Variants in GREM2 observed in about 807,000 individuals in gnomAD.
The protein encoded by GREM2 is gremlin-2.
A neutral mutation model predicts 14.2 loss-of-function variants in GREM2; 11 were observed. That is an observed-to-expected ratio of 0.78 (90% CI 0.49 to 1.28). GREM2 has a LOEUF of 1.28. Ranked by LOEUF, GREM2 falls within the 50% of genes most tolerant of loss-of-function variation. The pLI is 0.00. For synonymous variants in GREM2, 98 were observed against 97.6 expected (o/e 1.00, Z -0.02); for missense variants, 210 against 218.5 (o/e 0.96, Z 0.24).
intron 1 of GREM2, among the ~76,000 whole-genome samples, chr1:240,519,972 C>A (rs140321994): frequency 0.022 from 3,282 of 152,130 alleles, 117 homozygotes; most frequent in African/African-American, 0.076. Context: ...CCCAGCTACT[C>A]AGGAGGCTGA....
chr1:240,559,670 G>A (rs1392181223), intron 1 of GREM2, among the ~76,000 whole-genome samples: 2 of 152,080 alleles, frequency 1.3e-5, no homozygotes, highest in Non-Finnish European at 2.9e-5. Context: ...TTTACAAGCT[G>A]ACAAATTACT....
At chr1:240,531,294 G>A (rs1485340314) in intron 1 of GREM2, among the ~76,000 whole-genome samples, 2 of 152,020 alleles carry the variant, frequency 1.3e-5, no homozygotes, top group Non-Finnish European at 2.9e-5. Flanking sequence ...TTTCTAACCC[G>A]CTGGAGTACC....
chr1:240,552,946 G>A lies in GREM2; in HGVS notation c.-2+58938C>T, dbSNP rs16840364. ...CTGAAGGCTCTTAATCTCATTTTAA[G>A]CCTTTCATCCCCTTTCTTTTACATT... On this transcript the variant is annotated intron_variant, in intron 1 of 1. Transcript: ENST00000318160. Among the ~76,000 whole-genome samples the A allele has an allele frequency of 3.8e-3, 493 of 130,282 alleles. 4 individuals carry two copies. Among genetic ancestry groups the A allele is most frequent in the African/African-American group, 0.014 (471 of 33,490 alleles). The allele number at this position is 130,282 out of a possible 152,430, so 85.5% of individuals were successfully genotyped here. A position where few individuals can be genotyped will look rare whatever the true frequency, so the allele number is the denominator to read the frequency against.
chr1:240,594,714 A>G (rs978940813), intron 1 of GREM2, among the ~76,000 whole-genome samples: 1 of 151,808 alleles, frequency 6.6e-6, no homozygotes, highest in Non-Finnish European at 1.5e-5. Context: ...TTATACATGA[A>G]TATTTATATA....
chr1:240,541,740 A>G (rs1053339092), intron 1 of GREM2, among the ~76,000 whole-genome samples: 3 of 152,004 alleles, frequency 2.0e-5, no homozygotes, highest in Non-Finnish European at 4.4e-5. Flanking sequence ...CTGGTTATAA[A>G]TTGAAGAACT....
At chr1:240,562,867 T>C (rs1558163910) in intron 1 of GREM2, among the ~76,000 whole-genome samples, 1 of 150,458 alleles carries the variant, frequency 6.6e-6, no homozygotes, top group African/African-American at 2.5e-5. Flanking sequence ...TATGTGTATA[T>C]GTGAGTGTGT....
At position 240,491,536 on chromosome 1, in the gene GREM2, A is replaced by C. The variant is rs976270239; in HGVS notation, c.*1433T>G. 5 of 152,578 alleles carry C rather than the reference A, an allele frequency of 3.3e-5. No individual in the cohort carries two copies. Among genetic ancestry groups the C allele is most frequent in the African/African-American group, 9.7e-5 (4 of 41,438 alleles). 9.5% of individuals were successfully genotyped at this position (152,578 alleles called of 1,614,324 possible). A position where few individuals can be genotyped will look rare whatever the true frequency, so the allele number is the denominator to read the frequency against. ...AGACCACAGCATGGAAACGTCAACA[A>C]TTCATTATAAACACAAAAGGTGACC... On this transcript the variant is annotated 3_prime_UTR_variant, in exon 2 of 2. Coordinates refer to ENST00000318160, the MANE Select transcript of GREM2 (RefSeq NM_022469.4).
intron 1 of GREM2, among the ~76,000 whole-genome samples, chr1:240,525,208 C>A (rs1678194740): frequency 1.3e-5 from 2 of 152,152 alleles, no homozygotes; most frequent in Admixed American, 6.5e-5. Flanking sequence ...AATTTCTTTC[C>A]TTAAGATTTC....
rs545163846 is a variant in GREM2 at position 240,509,790 on chromosome 1, G to C, written c.-1-16314C>G. ...GAAGCGGAAGAGAATCTGTAGGCAG[G>C]CATCTGTTATGGTAGAAGGGGCCAT... On this transcript the variant is annotated intron_variant, in intron 1 of 1. Coordinates refer to ENST00000318160, the MANE Select transcript of GREM2 (RefSeq NM_022469.4). Among the ~76,000 whole-genome samples the C allele has an allele frequency of 3.3e-5, 5 of 152,246 alleles. No individual in the cohort carries two copies. In the East Asian group the frequency reaches 7.7e-4, roughly 24 times the overall value.
At chr1:240,592,004 A>G (rs1168719221) in intron 1 of GREM2, among the ~76,000 whole-genome samples, 1 of 152,232 alleles carries the variant, frequency 6.6e-6, no homozygotes, top group Non-Finnish European at 1.5e-5. Flanking sequence ...TTCCAAGGAT[A>G]TAAAAGTCTG....
chr1:240,605,847 G>A (rs1447199573), intron 1 of GREM2, among the ~76,000 whole-genome samples: 1 of 151,384 alleles, frequency 6.6e-6, no homozygotes, highest in Non-Finnish European at 1.5e-5. Context: ...TCTTCTACTT[G>A]GAAAAACAAA....
chr1:240,556,113 T>C (rs1572397018), intron 1 of GREM2, among the ~76,000 whole-genome samples: 1 of 152,356 alleles, frequency 6.6e-6, no homozygotes, highest in African/African-American at 2.4e-5. Flanking sequence ...CTCTCTGTTA[T>C]TAGATTCCAA....
chr1:240,568,207 A>G (rs1679201368), intron 1 of GREM2, among the ~76,000 whole-genome samples: 1 of 152,222 alleles, frequency 6.6e-6, no homozygotes, highest in African/African-American at 2.4e-5. Context: ...GGATGAAATG[A>G]AAGTATACTT....
At chr1:240,544,151 C>CTTTT (rs61269911) in intron 1 of GREM2, among the ~76,000 whole-genome samples, 62 of 137,440 alleles carry the variant, frequency 4.5e-4, no homozygotes, top group African/African-American at 1.6e-3. Flanking sequence ...AGCACTAGGC[C>CTTTT]TTTTTTTTTT....
chr1:240,611,344 TCTC>T (rs1680130594), intron 1 of GREM2, among the ~76,000 whole-genome samples: 2 of 152,090 alleles, frequency 1.3e-5, no homozygotes, highest in Non-Finnish European at 1.5e-5. Context: ...CCTTCTCTCT[TCTC>T]CTTCAACCAC....
In GREM2 at chr1:240,489,954, G is replaced by A. The variant is rs1340253897; in HGVS notation, c.*3015C>T. The A allele has an allele frequency of 6.6e-6, 1 of 152,210 alleles. No homozygotes were observed. The highest frequency in any genetic ancestry group is 1.5e-5 in the Non-Finnish European group (1 of 68,038). The allele number at this position is 152,210 out of a possible 1,614,324, so 9.4% of individuals were successfully genotyped here. A position where few individuals can be genotyped will look rare whatever the true frequency, so the allele number is the denominator to read the frequency against. On this transcript the variant is annotated 3_prime_UTR_variant, in exon 2 of 2. Transcript: ENST00000318160. ...AGCCTACACAGTGGATCAACCATGT[G>A]CAGTTTGATTGTGGATTTTATTTTT...
At chr1:240,526,458 G>A (rs1040996443) in intron 1 of GREM2, among the ~76,000 whole-genome samples, 9 of 152,174 alleles carry the variant, frequency 5.9e-5, no homozygotes, top group African/African-American at 2.4e-5. Flanking sequence ...AATCCGGCAA[G>A]CATTTAAAGC....
chr1:240,498,272 T>C (rs1677478203), intron 1 of GREM2, among the ~76,000 whole-genome samples: 1 of 152,168 alleles, frequency 6.6e-6, no homozygotes. Context: ...AACCTTCAAC[T>C]TTCAGGAAGG....
At chr1:240,590,425 T>TTCTTTC (rs1367170309) in intron 1 of GREM2, among the ~76,000 whole-genome samples, 1 of 140,256 alleles carries the variant, frequency 7.1e-6, no homozygotes, top group Admixed American at 7.0e-5. Context: ...CTTTTTCTTT[T>TTCTTTC]TCTTTCTTTT....
Sources: allele counts gnomAD v4.1 joint callset (sites outside exome capture counted in the v4.1 genomes callset), GRCh38; gene constraint gnomAD v4.1.1; transcripts MANE v1.5; gene names NCBI Gene and HGNC (gene_info 2026-07-23, HGNC 2026-07-21).